Variants in PRKCB observed in about 807,000 individuals in gnomAD.
PRKCB encodes protein kinase C beta, also known as protein kinase C beta type.
A neutral mutation model predicts 81.5 loss-of-function variants in PRKCB; 13 were observed. That is an observed-to-expected ratio of 0.16 (90% CI 0.10 to 0.25). The LOEUF (loss-of-function observed/expected upper bound fraction) is 0.25, where lower values mean the gene tolerates loss of function less well. Among genes scored for constraint, PRKCB ranks in the 10% least tolerant of loss-of-function variants. PRKCB has a pLI of 1.00. For missense variants in PRKCB, 509 were observed against 875.7 expected (o/e 0.58, Z 5.29); for synonymous variants, 335 against 321.4 (o/e 1.04, Z -0.45).
chr16:23,960,288 C>T (rs75321802), intron 2 of PRKCB, among the ~76,000 whole-genome samples: 1,617 of 152,198 alleles, frequency 0.011, 35 homozygotes, highest in African/African-American at 0.037. Flanking sequence ...CATCCCAGTA[C>T]GGTGGTATCT....
chr16:24,129,173 T>C (rs1966849352), intron 9 of PRKCB, among the ~76,000 whole-genome samples: 1 of 152,194 alleles, frequency 6.6e-6, no homozygotes, highest in Non-Finnish European at 1.5e-5. Flanking sequence ...ATGGTAATGA[T>C]TTGTATGATC....
rs998346687 is a variant in PRKCB at position 23,952,456 on chromosome 16, G to T, written c.206-36052G>T. 2.6e-5 allele frequency among the ~76,000 whole-genome samples: 4 copies of T among 152,202 alleles called. No individual in the cohort carries two copies. In the East Asian group the frequency reaches 7.7e-4, roughly 29 times the overall value. Reference sequence around the variant, plus strand: ...CTGTGTATGTGTGTGGGTGCTGGGGGCTGCATAGAGAGAGAGTTAAAAGAG... The same window carrying T: ...CTGTGTATGTGTGTGGGTGCTGGGGTCTGCATAGAGAGAGAGTTAAAAGAG... On this transcript the variant is annotated intron_variant, in intron 2 of 16. Transcript: ENST00000643927.
At chr16:24,188,117 C>T (rs1366722683) in intron 15 of PRKCB, among the ~76,000 whole-genome samples, 1 of 152,218 alleles carries the variant, frequency 6.6e-6, no homozygotes, top group Non-Finnish European at 1.5e-5. Context: ...AGCTCCTGCT[C>T]CAATTAGCAG....
At chr16:23,910,736 ATGT>A (rs1315836177) in intron 2 of PRKCB, among the ~76,000 whole-genome samples, 1 of 152,152 alleles carries the variant, frequency 6.6e-6, no homozygotes, top group African/African-American at 2.4e-5. Flanking sequence ...CATATTTATA[ATGT>A]TGTAAGCCAT....
intron 9 of PRKCB, among the ~76,000 whole-genome samples, chr16:24,153,912 A>G (rs1967114556): frequency 6.6e-6 from 1 of 152,222 alleles, no homozygotes; most frequent in South Asian, 2.1e-4. Flanking sequence ...AGTGAACATT[A>G]AATACTTGAA....
chr16:23,869,992 A>G (rs1962877054), intron 2 of PRKCB, among the ~76,000 whole-genome samples: 1 of 151,230 alleles, frequency 6.6e-6, no homozygotes, highest in African/African-American at 2.4e-5. Flanking sequence ...ATTGCACTCT[A>G]GCCTGGGCGA....
intron 9 of PRKCB, among the ~76,000 whole-genome samples, chr16:24,153,647 G>A (rs947965377): frequency 3.3e-5 from 5 of 152,244 alleles, no homozygotes; most frequent in East Asian, 3.9e-4. Context: ...ATATTCCCCC[G>A]GTTGGGAGAG....
intron 12 of PRKCB, 126 bp downstream of exon 12, chr16:24,174,706 G>T: frequency 1.1e-6 from 1 of 896,772 alleles, no homozygotes. Flanking sequence ...GAACTAACTT[G>T]GGCATGTGTT....
Position 24,218,310 on chromosome 16 carries a change from A to G in PRKCB, c.*3494A>G, listed in dbSNP as rs1968263582. On this transcript the variant is annotated 3_prime_UTR_variant, in exon 17 of 17. Coordinates refer to ENST00000643927, the MANE Select transcript of PRKCB (RefSeq NM_002738.7). ...GAGGCATTCGAGCTTTGTTGTGAAC[A>G]CCGGAAGTAACATGCCGAGCGCCTG... is the stretch of plus-strand genomic sequence containing the variant. The G allele has an allele frequency of 1.0e-6, 1 of 985,356 alleles. No individual in the cohort carries two copies. The highest frequency in any genetic ancestry group is 1.2e-6 in the Non-Finnish European group (1 of 829,934). 61.0% of individuals were successfully genotyped at this position (985,356 alleles called of 1,614,324 possible).
intron 5 of PRKCB, among the ~76,000 whole-genome samples, chr16:24,037,507 A>G (rs1232022276): frequency 1.3e-5 from 2 of 152,144 alleles, no homozygotes; most frequent in Non-Finnish European, 2.9e-5. Context: ...CAGAAAACAC[A>G]TTTCCTCACC....
intron 2 of PRKCB, among the ~76,000 whole-genome samples, chr16:23,923,031 C>A (rs1268135027): frequency 2.0e-5 from 3 of 152,022 alleles, no homozygotes; most frequent in African/African-American, 7.2e-5. Context: ...ATGTAGTTAG[C>A]TAGTGAATGC....
intron 2 of PRKCB, among the ~76,000 whole-genome samples, chr16:23,840,942 T>C (rs1224330316): frequency 6.6e-6 from 1 of 152,186 alleles, no homozygotes; most frequent in Non-Finnish European, 1.5e-5. Flanking sequence ...GGGAGGTAAT[T>C]TAAGAATGTG....
At chr16:24,055,762 G>A (rs1965896121) in intron 5 of PRKCB, among the ~76,000 whole-genome samples, 1 of 152,224 alleles carries the variant, frequency 6.6e-6, no homozygotes, top group Admixed American at 6.5e-5. Flanking sequence ...ATGTTCCAGT[G>A]CATCTTTCTG....
rs10714409 is a variant in PRKCB, at chr16:23,956,979, TAAAAAAAA to T, written c.206-31509_206-31502del. 2.2e-3 allele frequency among the ~76,000 whole-genome samples: 103 copies of T among 45,980 alleles called. 1 individual carries two copies. The highest frequency in any genetic ancestry group is 6.3e-3 in the African/African-American group (70 of 11,200). 30.2% of individuals were successfully genotyped at this position (45,980 alleles called of 152,430 possible). On this transcript the variant is annotated intron_variant, in intron 2 of 16. Coordinates refer to ENST00000643927, the MANE Select transcript of PRKCB (RefSeq NM_002738.7). ...TACAGGTGGAGTAAGCTATAGGCAG[TAAAAAAAA>T]AAAAAAAAAAAAAAAAAAAGAATAT...
chr16:24,174,373 C>T, intron 11 of PRKCB, 145 bp from the exon 12 acceptor site: 2 of 702,422 alleles, frequency 2.8e-6, no homozygotes, highest in Non-Finnish European at 2.4e-6. Flanking sequence ...TCTGTACTTT[C>T]AGCACTTTAT....
intron 5 of PRKCB, among the ~76,000 whole-genome samples, chr16:24,047,001 T>A (rs983521930): frequency 6.6e-6 from 1 of 151,792 alleles, no homozygotes; most frequent in Non-Finnish European, 1.5e-5. Flanking sequence ...GGCCACAAGT[T>A]TGAGACCAGC....
At position 24,220,195 on chromosome 16, in the gene PRKCB, A is replaced by G; in HGVS notation, c.*5379A>G. The G allele has an allele frequency of 6.5e-7, 1 of 1,529,924 alleles. No homozygotes were observed. Among genetic ancestry groups the G allele is most frequent in the Non-Finnish European group, 8.9e-7 (1 of 1,118,406 alleles). The allele number at this position is 1,529,924 out of a possible 1,614,324, so 94.8% of individuals were successfully genotyped here. ...TATCAATTCTAGTCTTCCAGGATTC[A>G]CGGTGCACATGCTGGCATTCAACAT... On this transcript the variant is annotated 3_prime_UTR_variant, in exon 17 of 17. Transcript: ENST00000643927.
chr16:24,131,741 A>C (rs939191013), intron 9 of PRKCB, among the ~76,000 whole-genome samples: 1 of 152,208 alleles, frequency 6.6e-6, no homozygotes, highest in Non-Finnish European at 1.5e-5. Flanking sequence ...TATACCAGTT[A>C]TATATTTATT....
chr16:24,183,014 G>T (rs1483040194), intron 13 of PRKCB, among the ~76,000 whole-genome samples: 1 of 151,762 alleles, frequency 6.6e-6, no homozygotes, highest in African/African-American at 2.4e-5. Context: ...CCATCACCAC[G>T]CCCAGCTAAT....
Sources: allele counts gnomAD v4.1 joint callset (sites outside exome capture counted in the v4.1 genomes callset), GRCh38; gene constraint gnomAD v4.1.1; transcripts MANE v1.5; gene names NCBI Gene and HGNC (gene_info 2026-07-23, HGNC 2026-07-21).